SH3BGRL2: variants seen among roughly 807,000 people sequenced by gnomAD.
The protein encoded by SH3BGRL2 is SH3 domain binding glutamate rich protein like 2, also known as SH3 domain-binding glutamic acid-rich-like protein 2.
SH3BGRL2 carries 21 observed loss-of-function variants against 14.8 expected under a neutral mutation model. That is an observed-to-expected ratio of 1.42 (90% CI 1.01 to 2.05). The LOEUF (loss-of-function observed/expected upper bound fraction) is 2.05. Among genes scored for constraint, SH3BGRL2 ranks in the 30% most tolerant of loss-of-function variants. The pLI, the probability that SH3BGRL2 is intolerant of heterozygous loss-of-function variation, is 0.00. For synonymous variants in SH3BGRL2, 50 were observed against 47.8 expected, an observed-to-expected ratio of 1.05 and a Z score of -0.19; for missense variants, 147 against 130.8, an observed-to-expected ratio of 1.12 and a Z score of -0.61.
chr6:79,618,296 A>G, the SH3BGRL2 span, among the ~76,000 whole-genome samples: 6 of 152,132 alleles, frequency 3.9e-5, no homozygotes, highest in Non-Finnish European at 8.8e-5. Context: ...TACTTATTCA[A>G]TTTTTATAAT....
the SH3BGRL2 span, among the ~76,000 whole-genome samples, chr6:79,599,830 A>G: frequency 3.3e-5 from 5 of 152,278 alleles, no homozygotes; most frequent in African/African-American, 1.2e-4. Flanking sequence ...CAACAAGACT[A>G]ATACCCTCTA....
At position 79,650,404 on chromosome 6, in the gene SH3BGRL2, G is replaced by A. The variant is rs115243384; in HGVS notation, c.45+18898G>A. ...CAGAAGGTGAGTCCATAGAATGCAG[G>A]TGTCTTAGTCCATTTGGTTGCTATA... On this transcript the variant is annotated intron_variant, in intron 1 of 3. Coordinates refer to ENST00000369838, the MANE Select transcript of SH3BGRL2 (RefSeq NM_031469.4). Among the ~76,000 whole-genome samples the A allele has an allele frequency of 3.1e-3, 477 of 152,214 alleles. 1 individual carries two copies. The highest frequency in any genetic ancestry group is 0.011 in the African/African-American group (462 of 41,546).
intron 1 of SH3BGRL2, among the ~76,000 whole-genome samples, chr6:79,662,341 G>A (rs1444971693): frequency 6.6e-6 from 1 of 152,160 alleles, no homozygotes; most frequent in Non-Finnish European, 1.5e-5. Flanking sequence ...GGCGGACCTG[G>A]TGGTGACAAA....
the SH3BGRL2 span, among the ~76,000 whole-genome samples, chr6:79,556,732 G>A: frequency 8.2e-4 from 124 of 151,928 alleles, no homozygotes; most frequent in African/African-American, 2.8e-3. Context: ...TAAAAATGAA[G>A]ATATCCTGAG....
At position 79,696,521 on chromosome 6, in the gene SH3BGRL2, A is replaced by C. The variant is rs1297815842; in HGVS notation, c.268A>C (p.Thr90Pro). 7 of 1,577,982 alleles carry C rather than the reference A, an allele frequency of 4.4e-6. No individual in the cohort carries two copies. The East Asian group carries it at 1.4e-4, about 31-fold the overall frequency. ...TTTTTTTGAATCCAAGGAAAGCAAC[A>C]CAGTCTTTTCATTTTTAGGCCTGAA... ...DSFFESKESNTVFSFLGLKPR... is the reference protein window; with the variant it reads ...DSFFESKESNPVFSFLGLKPR... Residue 90 changes from threonine to proline, a missense_variant, in exon 3 of 4, where the codon ACA (threonine) becomes CCA (proline). Transcript: ENST00000369838.
At chr6:79,635,093 G>A (rs1768897535) in intron 1 of SH3BGRL2, among the ~76,000 whole-genome samples, 1 of 152,154 alleles carries the variant, frequency 6.6e-6, no homozygotes, top group Non-Finnish European at 1.5e-5. Flanking sequence ...GGAGCCTTTT[G>A]TTTCTCAGGG....
chr6:79,699,463 C>CTTTTTT lies in SH3BGRL2; in HGVS notation c.313-10_313-5dup, dbSNP rs35728679. On this transcript the variant is annotated intron_variant, in intron 3 of 3. Transcript: ENST00000369838. ...CTTGTCGATGTAATGCAATAACTGA[C>CTTTTTT]TTTTTTTTTTTTTTTTTTTTTTTTT... 238 of 880,892 alleles carry CTTTTTT rather than the reference C, an allele frequency of 2.7e-4. 4 individuals carry two copies. The highest frequency in any genetic ancestry group is 1.0e-3 in the Admixed American group (24 of 23,356). The allele number at this position is 880,892 out of a possible 1,614,324, so 54.6% of individuals were successfully genotyped here.
At chr6:79,594,351 G>A in the SH3BGRL2 span, among the ~76,000 whole-genome samples, 1 of 152,118 alleles carries the variant, frequency 6.6e-6, no homozygotes, top group Admixed American at 6.6e-5. Context: ...ATTCTTTGTT[G>A]AGGCTTCTCC....
At chr6:79,597,174 G>T in the SH3BGRL2 span, among the ~76,000 whole-genome samples, 1 of 151,572 alleles carries the variant, frequency 6.6e-6, no homozygotes, top group Non-Finnish European at 1.5e-5. Context: ...AGGTTGCAAT[G>T]AGCCAAGATC....
At chr6:79,645,365 C>T (rs536353912) in intron 1 of SH3BGRL2, among the ~76,000 whole-genome samples, 3 of 152,144 alleles carry the variant, frequency 2.0e-5, no homozygotes, top group Admixed American at 6.5e-5. Flanking sequence ...ACAAACATAA[C>T]CTGGATTTCC....
chr6:79,538,490 C>T, the SH3BGRL2 span, among the ~76,000 whole-genome samples: 2 of 152,174 alleles, frequency 1.3e-5, no homozygotes, highest in Non-Finnish European at 2.9e-5. Flanking sequence ...CGAAATACAT[C>T]TGTACAAGAT....
chr6:79,546,584 G>C, the SH3BGRL2 span, among the ~76,000 whole-genome samples: 2 of 152,194 alleles, frequency 1.3e-5, no homozygotes, highest in African/African-American at 2.4e-5. Flanking sequence ...CCCAAGGAGA[G>C]AGTGGATGGG....
At chr6:79,626,492 G>C (rs913352958), upstream of SH3BGRL2, among the ~76,000 whole-genome samples, 2 of 152,088 alleles carry the variant, frequency 1.3e-5, no homozygotes, top group Non-Finnish European at 2.9e-5. Flanking sequence ...CTGCAATCTA[G>C]CTTCTGTCTC....
At chr6:79,560,201 T>C in the SH3BGRL2 span, among the ~76,000 whole-genome samples, 1 of 151,954 alleles carries the variant, frequency 6.6e-6, no homozygotes, top group Non-Finnish European at 1.5e-5. Flanking sequence ...GTAAATTCAG[T>C]AAAGGAAGCA....
the SH3BGRL2 span, among the ~76,000 whole-genome samples, chr6:79,576,890 A>G: frequency 6.6e-6 from 1 of 152,172 alleles, no homozygotes; most frequent in African/African-American, 2.4e-5. Context: ...ACCCTCTGGT[A>G]TCTGGCTTAT....
At chr6:79,571,708 T>C in the SH3BGRL2 span, among the ~76,000 whole-genome samples, 3 of 152,184 alleles carry the variant, frequency 2.0e-5, no homozygotes, top group Admixed American at 2.0e-4. Context: ...CATAGTTAAT[T>C]TGGTGTTTAT....
At chr6:79,662,129 C>A (rs1051551591) in intron 1 of SH3BGRL2, among the ~76,000 whole-genome samples, 5 of 152,116 alleles carry the variant, frequency 3.3e-5, no homozygotes, top group Non-Finnish European at 7.4e-5. Flanking sequence ...TTAATTGGTG[C>A]ATTTAGCCCA....
At chr6:79,573,593 T>C in the SH3BGRL2 span, among the ~76,000 whole-genome samples, 31 of 152,298 alleles carry the variant, frequency 2.0e-4, no homozygotes, top group South Asian at 8.3e-4. Context: ...AAAATTGATA[T>C]CTTTATGTTC....
At chr6:79,624,943 A>G in the SH3BGRL2 span, among the ~76,000 whole-genome samples, 1 of 152,256 alleles carries the variant, frequency 6.6e-6, no homozygotes, top group South Asian at 2.1e-4. Context: ...AAGCCAAGAC[A>G]GGAGGACTGC....
Sources: allele counts gnomAD v4.1 joint callset (sites outside exome capture counted in the v4.1 genomes callset), GRCh38; gene constraint gnomAD v4.1.1; transcripts MANE v1.5; gene names NCBI Gene and HGNC (gene_info 2026-07-23, HGNC 2026-07-21).